ADGRL2: variants seen among roughly 807,000 people sequenced by gnomAD.
The protein encoded by ADGRL2 is adhesion G protein-coupled receptor L2.
ADGRL2 carries 44 observed loss-of-function variants against 157.4 expected under a neutral mutation model. The observed-to-expected ratio is 0.28, with a 90% CI of 0.22 to 0.36. The LOEUF (loss-of-function observed/expected upper bound fraction) is 0.36. Among genes scored for constraint, ADGRL2 ranks in the 10% least tolerant of loss-of-function variants. The probability of loss-of-function intolerance (pLI) is 1.00; values close to 1 mark genes in which losing one functional copy is unlikely to be tolerated. For missense variants in ADGRL2, 1,510 were observed against 1,768.9 expected, an observed-to-expected ratio of 0.85 and a Z score of 2.63; for synonymous variants, 585 against 624.7, an observed-to-expected ratio of 0.94 and a Z score of 0.95.
At chr1:81,311,216 A>T (rs1209340540) in intron 1 of ADGRL2, among the ~76,000 whole-genome samples, 2 of 152,208 alleles carry the variant, frequency 1.3e-5, no homozygotes, top group Non-Finnish European at 2.9e-5. Flanking sequence ...ATTAGATAAG[A>T]TGTACCAGGA....
intron 3 of ADGRL2, among the ~76,000 whole-genome samples, chr1:81,930,675 G>C (rs1356138463): frequency 6.6e-6 from 1 of 152,092 alleles, no homozygotes; most frequent in African/African-American, 2.4e-5. Flanking sequence ...TATATTGGTA[G>C]GAAGTAAATT....
chr1:81,620,343 A>G (rs910598153), intron 3 of ADGRL2, among the ~76,000 whole-genome samples: 1 of 152,244 alleles, frequency 6.6e-6, no homozygotes, highest in African/African-American at 2.4e-5. Context: ...TGTAAGATGT[A>G]CAACTAGCAT....
intron 2 of ADGRL2, among the ~76,000 whole-genome samples, chr1:81,519,612 T>C (rs1379984659): frequency 6.6e-6 from 1 of 152,212 alleles, no homozygotes; most frequent in South Asian, 2.1e-4. Context: ...TGATAATAAC[T>C]ATTGTATATT....
chr1:81,559,037 T>C (rs1006354448), intron 2 of ADGRL2, among the ~76,000 whole-genome samples: 1 of 152,188 alleles, frequency 6.6e-6, no homozygotes. Flanking sequence ...CTCTTATTCC[T>C]ATAATCTTCA....
intron 1 of ADGRL2, chr1:81,721,972 A>T (rs2084340800): frequency 6.9e-6 from 4 of 583,884 alleles, no homozygotes; most frequent in Admixed American, 6.4e-5. Context: ...CCAGACACTG[A>T]TGCCCTTTAA....
chr1:81,574,281 A>G (rs1434302862), intron 2 of ADGRL2, among the ~76,000 whole-genome samples: 1 of 152,072 alleles, frequency 6.6e-6, no homozygotes. Flanking sequence ...AGAAGGAGGA[A>G]AAATCAGAGA....
intron 1 of ADGRL2, among the ~76,000 whole-genome samples, chr1:81,708,748 T>C (rs2083826006): frequency 6.6e-6 from 1 of 152,006 alleles, no homozygotes; most frequent in Non-Finnish European, 1.5e-5. Flanking sequence ...TCTATAGAAA[T>C]CTCTGTTATG....
intron 1 of ADGRL2, among the ~76,000 whole-genome samples, chr1:81,752,464 G>C (rs571064900): frequency 6.6e-6 from 1 of 152,302 alleles, no homozygotes; most frequent in East Asian, 1.9e-4. Context: ...CTATACTTTT[G>C]TTTCATTTCC....
chr1:81,383,808 CAAAAAAAAA>C (rs56660027), intron 1 of ADGRL2, among the ~76,000 whole-genome samples: 1 of 104,376 alleles, frequency 9.6e-6, no homozygotes, highest in African/African-American at 3.7e-5. Context: ...ACTAAAAATA[CAAAAAAAAA>C]AAAAAAAAAG....
At chr1:81,750,419 T>A (rs1158411431) in intron 1 of ADGRL2, among the ~76,000 whole-genome samples, 1 of 152,020 alleles carries the variant, frequency 6.6e-6, no homozygotes. Flanking sequence ...GTTACAAATA[T>A]TAAGAGAGAG....
chr1:81,337,473 C>CT (rs1468361366), intron 1 of ADGRL2, among the ~76,000 whole-genome samples: 3 of 152,152 alleles, frequency 2.0e-5, no homozygotes, highest in Non-Finnish European at 4.4e-5. Flanking sequence ...GAGCTGTGGG[C>CT]TGAGTAAACA....
chr1:81,626,509 G>A (rs1362020005), intron 3 of ADGRL2, among the ~76,000 whole-genome samples: 5 of 152,046 alleles, frequency 3.3e-5, no homozygotes, highest in Non-Finnish European at 7.4e-5. Context: ...TTCACCATTC[G>A]GTAATCTGCC....
intron 2 of ADGRL2, among the ~76,000 whole-genome samples, chr1:81,894,930 C>T (rs1366167871): frequency 6.6e-6 from 1 of 152,002 alleles, no homozygotes; most frequent in Admixed American, 6.5e-5. Context: ...GGTTACATGG[C>T]TGATACTTTT....
intron 2 of ADGRL2, chr1:81,557,474 GAAAGAAAGAAGAAAGAAAGAAAGAAAGA>G (rs1557458851): frequency 1.1e-4 from 6 of 53,356 alleles, no homozygotes; most frequent in East Asian, 1.2e-3. Context: ...AAAGAAGAAA[GAAAGAAAGAAGAAAGAAAGAAAGAAAGA>G]AAGAAAGAAA....
At chr1:81,433,287 T>G (rs2077354814) in intron 1 of ADGRL2, among the ~76,000 whole-genome samples, 1 of 152,214 alleles carries the variant, frequency 6.6e-6, no homozygotes, top group African/African-American at 2.4e-5. Flanking sequence ...ATGAAAGGAT[T>G]ATAGATTAGT....
At position 81,586,385 on chromosome 1, in the gene ADGRL2, A is replaced by G. The variant is rs530389516; in HGVS notation, c.-143+5405A>G. ...CTGAGGCTGAGAATGTGGCTGGAGG[A>G]AAAAAAAAATGAATATTATTAGGCC... is the stretch of plus-strand genomic sequence containing the variant. On this transcript the variant is annotated intron_variant, in intron 3 of 24. Coordinates refer to the ADGRL2 transcript ENST00000370721. The G allele has an allele frequency of 6.0e-5, 9 of 148,916 alleles. No individual in the cohort carries two copies. The East Asian group carries it at 1.6e-3, about 26-fold the overall frequency. 9.2% of individuals were successfully genotyped at this position (148,916 alleles called of 1,614,324 possible).
chr1:81,354,220 A>G (rs1458131573), intron 1 of ADGRL2, among the ~76,000 whole-genome samples: 3 of 152,142 alleles, frequency 2.0e-5, no homozygotes, highest in Non-Finnish European at 2.9e-5. Flanking sequence ...GAAAACTACA[A>G]TTACTCATCT....
chr1:81,809,271 G>T (rs535435085), intron 1 of ADGRL2, among the ~76,000 whole-genome samples: 1 of 151,762 alleles, frequency 6.6e-6, no homozygotes, highest in Non-Finnish European at 1.5e-5. Context: ...CTTTTTTTGC[G>T]GTAGATTTAG....
intron 3 of ADGRL2, among the ~76,000 whole-genome samples, chr1:81,934,071 CT>C (rs1269885580): frequency 6.6e-6 from 1 of 151,876 alleles, no homozygotes; most frequent in East Asian, 1.9e-4. Context: ...ATTGCAGGAG[CT>C]TCATTAAATC....
Sources: allele counts gnomAD v4.1 joint callset (sites outside exome capture counted in the v4.1 genomes callset), GRCh38; gene constraint gnomAD v4.1.1; transcripts MANE v1.5; gene names NCBI Gene and HGNC (gene_info 2026-07-23, HGNC 2026-07-21).